GALNT2: variants seen among roughly 807,000 people sequenced by gnomAD.
GALNT2 encodes the protein UDP-GalNAc:polypeptide N-acetylgalactosaminyltransferase 2.
GALNT2 carries 31 observed loss-of-function variants against 81.4 expected under a neutral mutation model. That is an observed-to-expected ratio of 0.38 (90% CI 0.29 to 0.51). The LOEUF is 0.51. GALNT2 is among the 20% of genes least tolerant of loss of function. GALNT2 has a pLI of 0.87. For missense variants in GALNT2, 629 were observed against 765.7 expected (o/e 0.82, Z 2.11); for synonymous variants, 303 against 287.4 (o/e 1.05, Z -0.55).
chr1:230,069,590 C>T (rs1414951987), intron 1 of GALNT2, among the ~76,000 whole-genome samples: 1 of 152,104 alleles, frequency 6.6e-6, no homozygotes, highest in African/African-American at 2.4e-5. Flanking sequence ...AAATAGAGCC[C>T]TGCTGTCACG....
intron 1 of GALNT2, among the ~76,000 whole-genome samples, chr1:230,075,599 G>A (rs769702748): frequency 8.5e-5 from 13 of 152,156 alleles, no homozygotes; most frequent in East Asian, 3.9e-4. Flanking sequence ...CCTCCTATGT[G>A]CCAGGCACTG....
At chr1:230,080,928 G>A (rs1659706301) in intron 1 of GALNT2, among the ~76,000 whole-genome samples, 1 of 152,204 alleles carries the variant, frequency 6.6e-6, no homozygotes, top group Non-Finnish European at 1.5e-5. Context: ...AAGGCGGGGA[G>A]GTGTTGACAC....
intron 1 of GALNT2, among the ~76,000 whole-genome samples, chr1:230,083,835 G>A (rs1373205303): frequency 6.6e-6 from 1 of 152,118 alleles, no homozygotes; most frequent in East Asian, 1.9e-4. Context: ...ATCCTGGTGG[G>A]CCTCTGTTAG....
intron 2 of GALNT2, among the ~76,000 whole-genome samples, chr1:230,195,659 G>C (rs1327779778): frequency 5.3e-5 from 8 of 152,130 alleles, no homozygotes; most frequent in African/African-American, 1.9e-4. Flanking sequence ...ACCTTCTGGG[G>C]TTGCCGATGG....
intron 11 of GALNT2, among the ~76,000 whole-genome samples, chr1:230,260,038 G>A (rs1276081919): frequency 6.6e-6 from 1 of 152,184 alleles, no homozygotes; most frequent in East Asian, 1.9e-4. Flanking sequence ...GAGTCAGTCA[G>A]GTCAGATGCC....
In GALNT2 at chr1:230,275,404, C is replaced by T. The variant is rs958228766; in HGVS notation, c.1560+840C>T. Among the ~76,000 whole-genome samples the T allele has an allele frequency of 2.0e-5, 3 of 150,874 alleles. No individual in the cohort carries two copies. Among genetic ancestry groups the T allele is most frequent in the African/African-American group, 7.3e-5 (3 of 41,012 alleles). On this transcript the variant is annotated intron_variant, in intron 15 of 15. Coordinates refer to ENST00000366672, the MANE Select transcript of GALNT2 (RefSeq NM_004481.5). This position sits in a 1 kb window ranked among gnomAD's most constrained non-coding sequence, Gnocchi z 5.5. ...CACATGTATACACGCCACATATATACATATGTAAACACCACATATATACAC... is the reference window on the plus strand; with the variant it reads ...CACATGTATACACGCCACATATATATATATGTAAACACCACATATATACAC...
chr1:230,101,945 A>T (rs1023108862), intron 1 of GALNT2, among the ~76,000 whole-genome samples: 4 of 152,228 alleles, frequency 2.6e-5, no homozygotes, highest in African/African-American at 9.6e-5. Flanking sequence ...AAGCACAAAA[A>T]GTAGTTGGAC....
rs943773017 is a variant in GALNT2 at position 230,078,819 on chromosome 1, T to G, written c.126+11413T>G. Among the ~76,000 whole-genome samples the G allele has an allele frequency of 2.6e-5, 4 of 152,194 alleles. No individual in the cohort carries two copies. In the South Asian group the frequency reaches 8.3e-4, roughly 32 times the overall value. On this transcript the variant is annotated intron_variant, in intron 1 of 15. Transcript: ENST00000366672. Reference sequence around the variant, plus strand: ...TTTATTTTATTTTATTTATTTATTTTTAGAGTCAGGGTCTCACCCTATCAC... The same window carrying G: ...TTTATTTTATTTTATTTATTTATTTGTAGAGTCAGGGTCTCACCCTATCAC...
At chr1:230,166,017 G>A (rs1371433102) in intron 1 of GALNT2, among the ~76,000 whole-genome samples, 1 of 152,190 alleles carries the variant, frequency 6.6e-6, no homozygotes, top group African/African-American at 2.4e-5. Flanking sequence ...GCTTTGATGG[G>A]ACTGTATGAA....
chr1:230,197,729 C>T (rs1572076183), intron 2 of GALNT2, among the ~76,000 whole-genome samples: 1 of 152,132 alleles, frequency 6.6e-6, no homozygotes, highest in Non-Finnish European at 1.5e-5. Context: ...CAGGCTCACC[C>T]TCATGCTTGG....
At chr1:230,168,408 G>A (rs1009316507) in intron 1 of GALNT2, among the ~76,000 whole-genome samples, 1 of 152,244 alleles carries the variant, frequency 6.6e-6, no homozygotes, top group Non-Finnish European at 1.5e-5. Context: ...TTGAAGAGAG[G>A]ATGGTGGCGT....
At chr1:230,151,722 G>T (rs1480510763) in intron 1 of GALNT2, among the ~76,000 whole-genome samples, 1 of 152,106 alleles carries the variant, frequency 6.6e-6, no homozygotes, top group Non-Finnish European at 1.5e-5. Context: ...CCCAAGAGAG[G>T]GTTCTTGGAT....
At chr1:230,096,486 C>T (rs1000292819) in intron 1 of GALNT2, among the ~76,000 whole-genome samples, 3 of 152,150 alleles carry the variant, frequency 2.0e-5, no homozygotes, top group Admixed American at 2.0e-4. Flanking sequence ...CTCCCGCCTT[C>T]CTTCCCCTTT....
At chr1:230,082,713 A>AACATACGC (rs1295181198) in intron 1 of GALNT2, among the ~76,000 whole-genome samples, 1 of 152,262 alleles carries the variant, frequency 6.6e-6, no homozygotes, top group African/African-American at 2.4e-5. Flanking sequence ...ATATGCATGG[A>AACATACGC]ACATACGCAC....
intron 2 of GALNT2, among the ~76,000 whole-genome samples, chr1:230,186,806 T>C (rs115554867): frequency 0.027 from 4,045 of 152,362 alleles, 86 homozygotes; most frequent in Middle Eastern, 0.058. Context: ...TTATTAGTAG[T>C]AATTTTTGAT....
intron 2 of GALNT2, among the ~76,000 whole-genome samples, chr1:230,185,274 G>GTGTA (rs1491425108): frequency 1.1e-5 from 1 of 89,290 alleles, no homozygotes; most frequent in African/African-American, 6.9e-5. Context: ...GCGTGCGTGC[G>GTGTA]TGTGTGTGTG....
chr1:230,256,725 C>A (rs181823741), intron 11 of GALNT2, among the ~76,000 whole-genome samples: 1 of 152,196 alleles, frequency 6.6e-6, no homozygotes, highest in Non-Finnish European at 1.5e-5. Context: ...AATTCTCTTA[C>A]ATGCTAAAGA....
At chr1:230,202,785 A>G (rs1663940013) in intron 2 of GALNT2, among the ~76,000 whole-genome samples, 2 of 152,370 alleles carry the variant, frequency 1.3e-5, no homozygotes, top group East Asian at 1.9e-4. Flanking sequence ...GATAATGTCA[A>G]CATTATAATC....
intron 1 of GALNT2, among the ~76,000 whole-genome samples, chr1:230,176,837 G>T (rs138035482): frequency 0.016 from 2,382 of 152,334 alleles, 26 homozygotes; most frequent in Middle Eastern, 0.031. Context: ...GCAGCGTGGG[G>T]TAAGACTTGC....
Sources: gnomAD v4.1 joint callset for allele counts (sites outside exome capture counted in the v4.1 genomes callset) on GRCh38, gnomAD v4.1.1 for gene constraint, Gnocchi (gnomAD v3.1) non-coding constraint, MANE v1.5 for transcripts, NCBI Gene and HGNC (gene_info 2026-07-23, HGNC 2026-07-21) for gene names.